AKR1C3: variants seen among roughly 807,000 people sequenced by gnomAD.
AKR1C3 encodes the protein aldo-keto reductase family 1 member C3, also known as 3-alpha hydroxysteroid dehydrogenase, type II.
In AKR1C3, 48 loss-of-function variants were observed where a neutral mutation model predicts 43.6. That is an observed-to-expected ratio of 1.10 (90% CI 0.87 to 1.40). AKR1C3 has a LOEUF of 1.40. Among genes scored for constraint, AKR1C3 ranks in the 40% most tolerant of loss-of-function variants. AKR1C3 has a pLI of 0.00. For synonymous variants in AKR1C3, 162 were observed against 139.6 expected, an observed-to-expected ratio of 1.16 and a Z score of -1.13; for missense variants, 482 against 391.2, an observed-to-expected ratio of 1.23 and a Z score of -1.96.
intron 3 of AKR1C3, among the ~76,000 whole-genome samples, chr10:5,098,479 G>A (rs1839267538): frequency 1.3e-5 from 2 of 152,180 alleles, no homozygotes; most frequent in South Asian, 4.1e-4. Flanking sequence ...GGATATCAAG[G>A]TATTTCCAAA....
At chr10:5,063,829 C>T (rs1202027912) in intron 1 of AKR1C3, among the ~76,000 whole-genome samples, 1 of 122,404 alleles carries the variant, frequency 8.2e-6, no homozygotes, top group Non-Finnish European at 1.7e-5. Context: ...TCAAAAATGA[C>T]AGTCATGTGT....
intron 1 of AKR1C3, among the ~76,000 whole-genome samples, chr10:5,063,791 G>GAAAAAAAAAAAAAA (rs1554780518): frequency 4.8e-3 from 346 of 72,584 alleles, no homozygotes; most frequent in Non-Finnish European, 6.0e-3. Context: ...AAAAAAAAAG[G>GAAAAAAAAAAAAAA]AAAATGGCAC....
At chr10:5,074,375 G>A (rs1554781616) in intron 1 of AKR1C3, among the ~76,000 whole-genome samples, 1 of 152,152 alleles carries the variant, frequency 6.6e-6, no homozygotes, top group Admixed American at 6.5e-5. Flanking sequence ...TTTCAAGATG[G>A]CTATTCAGAA....
rs141818488 is a variant in AKR1C3, at chr10:5,079,900, C to G, written c.85-16510C>G. Among the ~76,000 whole-genome samples, 268 of 152,272 alleles carry G rather than the reference C, an allele frequency of 1.8e-3. 1 individual carries two copies. Among genetic ancestry groups the G allele is most frequent in the African/African-American group, 6.2e-3 (257 of 41,560 alleles). On this transcript the variant is annotated intron_variant, in intron 1 of 8. Transcript: ENST00000439082. ...ATCTTATGTAATCAAGTCACCAAAA[C>G]TTCAGAAGGGCGAGGAAAGAAAATT...
upstream of AKR1C3, among the ~76,000 whole-genome samples, chr10:5,092,907 T>G (rs1221759386): frequency 1.3e-5 from 2 of 152,088 alleles, no homozygotes. Context: ...ATAGACATTT[T>G]TCTAACTCTA....
intron 8 of AKR1C3, among the ~76,000 whole-genome samples, chr10:5,106,890 TA>T (rs1226360608): frequency 1.6e-4 from 22 of 139,956 alleles, no homozygotes; most frequent in African/African-American, 5.4e-4. Flanking sequence ...TCATTGTTAA[TA>T]TTTTTTTAGT....
At chr10:5,103,107 T>A (rs587693542) in intron 7 of AKR1C3, among the ~76,000 whole-genome samples, 1 of 152,260 alleles carries the variant, frequency 6.6e-6, no homozygotes, top group Admixed American at 6.5e-5. Flanking sequence ...GCCAGGCTAG[T>A]TCCAAACTCC....
chr10:5,076,707 T>C (rs781955500), intron 1 of AKR1C3, among the ~76,000 whole-genome samples: 1 of 152,176 alleles, frequency 6.6e-6, no homozygotes, highest in Non-Finnish European at 1.5e-5. Flanking sequence ...TCTTTTCATG[T>C]GTCTCATTTT....
At chr10:5,067,557 CATA>C (rs782098978) in intron 1 of AKR1C3, among the ~76,000 whole-genome samples, 11 of 152,238 alleles carry the variant, frequency 7.2e-5, no homozygotes, top group Non-Finnish European at 8.8e-5. Flanking sequence ...TATACTGTAG[CATA>C]ATAATCTACT....
chr10:5,097,787 T>C (rs908482292), intron 3 of AKR1C3: 18 of 1,263,460 alleles, frequency 1.4e-5, no homozygotes, highest in Admixed American at 1.4e-4. Context: ...CTCAAAAACT[T>C]GAAATTACAA....
At chr10:5,095,311 A>G (rs1484271517) in intron 1 of AKR1C3, among the ~76,000 whole-genome samples, 2 of 152,218 alleles carry the variant, frequency 1.3e-5, no homozygotes, top group African/African-American at 2.4e-5. Context: ...CACTTTATCG[A>G]TAAGTTGTGA....
chr10:5,058,009 G>A (rs970846189), intron 1 of AKR1C3, among the ~76,000 whole-genome samples: 7 of 152,146 alleles, frequency 4.6e-5, no homozygotes, highest in Non-Finnish European at 8.8e-5. Flanking sequence ...AGAGGGAGAA[G>A]GGGACATGTA....
At position 5,058,344 on chromosome 10, in the gene AKR1C3, TA is replaced by T. The variant is rs201676781; in HGVS notation, c.84+9451del. Among the ~76,000 whole-genome samples, 1,414 of 152,330 alleles carry T rather than the reference TA, an allele frequency of 9.3e-3. 25 individuals are homozygous for T. Among genetic ancestry groups the T allele is most frequent in the African/African-American group, 0.032 (1,335 of 41,570 alleles). ...GGTCAAGCTCTGCAGGATAGTATTG[TA>T]ATTTGTACTTCCCTCAGGTGGCCAT... On this transcript the variant is annotated intron_variant, in intron 1 of 8. Transcript: ENST00000439082.
intron 7 of AKR1C3, among the ~76,000 whole-genome samples, chr10:5,102,934 TGTTTG>T (rs1554786357): frequency 6.9e-6 from 1 of 145,456 alleles, no homozygotes; most frequent in African/African-American, 2.5e-5. Context: ...TCATGTTGTT[TGTTTG>T]GTTTTGGTTT....
At chr10:5,078,527 C>G (rs1208719036) in intron 1 of AKR1C3, among the ~76,000 whole-genome samples, 2 of 152,146 alleles carry the variant, frequency 1.3e-5, no homozygotes, top group Non-Finnish European at 2.9e-5. Context: ...ACCACGAGTG[C>G]CACTGGTGAG....
chr10:5,076,396 T>G (rs1838715374), intron 1 of AKR1C3, among the ~76,000 whole-genome samples: 1 of 137,322 alleles, frequency 7.3e-6, no homozygotes, highest in Admixed American at 7.2e-5. Flanking sequence ...GTTGAGTTTG[T>G]TCTCTCTGTC....
At chr10:5,068,501 C>A (rs1411211283) in intron 1 of AKR1C3, among the ~76,000 whole-genome samples, 1 of 103,012 alleles carries the variant, frequency 9.7e-6, no homozygotes, top group Non-Finnish European at 1.9e-5. Flanking sequence ...CCCTTTATAA[C>A]CTTTTACCAA....
intron 1 of AKR1C3, among the ~76,000 whole-genome samples, chr10:5,072,964 G>C (rs1359376052): frequency 2.6e-5 from 4 of 151,978 alleles, no homozygotes; most frequent in African/African-American, 9.7e-5. Context: ...AATTTTATTT[G>C]TTTATTTATT....
chr10:5,102,339 C>T (rs964026689), intron 6 of AKR1C3, 129 bp downstream of exon 6: 10 of 1,594,180 alleles, frequency 6.3e-6, no homozygotes, highest in East Asian at 4.5e-5. Context: ...GCATTTCTGA[C>T]GAGATCTTGG....
Sources: gnomAD v4.1 joint callset for allele counts (sites outside exome capture counted in the v4.1 genomes callset) on GRCh38, gnomAD v4.1.1 for gene constraint, MANE v1.5 for transcripts, NCBI Gene and HGNC (gene_info 2026-07-23, HGNC 2026-07-21) for gene names.